Variants in MYO5B observed in about 807,000 individuals in gnomAD.
The protein encoded by MYO5B is myosin VB, also known as unconventional myosin-Vb.
In MYO5B, 143 loss-of-function variants were observed where a neutral mutation model predicts 229.3. That is an observed-to-expected ratio of 0.62 (90% confidence interval 0.54 to 0.72). MYO5B has a LOEUF of 0.72. Ranked by LOEUF, MYO5B falls within the 30% of genes least tolerant of loss-of-function variation. MYO5B has a pLI of 0.00. For missense variants in MYO5B, 2,321 were observed against 2,331.0 expected (o/e 1.00, Z 0.09); for synonymous variants, 918 against 885.2 (o/e 1.04, Z -0.66).
chr18:50,052,703 A>AATT (rs111903370), intron 2 of MYO5B, among the ~76,000 whole-genome samples: 3 of 12,962 alleles, frequency 2.3e-4, no homozygotes, highest in African/African-American at 3.2e-4. Flanking sequence ...CTTAAAGTAT[A>AATT]ATAAAAAAAA....
At chr18:50,005,368 C>T (rs1009493885) in intron 4 of MYO5B, among the ~76,000 whole-genome samples, 2 of 152,148 alleles carry the variant, frequency 1.3e-5, no homozygotes, top group Non-Finnish European at 2.9e-5. Flanking sequence ...TAGAGAATAC[C>T]TCCCCATCTT....
intron 17 of MYO5B, among the ~76,000 whole-genome samples, chr18:49,921,571 C>T (rs2025076130): frequency 6.6e-6 from 1 of 152,160 alleles, no homozygotes; most frequent in Non-Finnish European, 1.5e-5. Flanking sequence ...CACAGAGAGC[C>T]ATAATTCTCA....
At chr18:49,834,074 T>A (rs1261934033) in intron 39 of MYO5B, among the ~76,000 whole-genome samples, 1 of 152,202 alleles carries the variant, frequency 6.6e-6, no homozygotes, top group Non-Finnish European at 1.5e-5. Flanking sequence ...TTAGGCTTTT[T>A]TTTTGCCATG....
chr18:50,124,501 T>C (rs896414263), intron 1 of MYO5B, among the ~76,000 whole-genome samples: 1 of 148,418 alleles, frequency 6.7e-6, no homozygotes, highest in Non-Finnish European at 1.5e-5. Flanking sequence ...GATTGTCTAC[T>C]TCAAGTTGTT....
intron 30 of MYO5B, among the ~76,000 whole-genome samples, chr18:49,854,474 T>C (rs898852442): frequency 6.6e-6 from 1 of 152,230 alleles, no homozygotes; most frequent in Non-Finnish European, 1.5e-5. Flanking sequence ...TTCAGGAAGT[T>C]AGATGCTAAT....
In MYO5B at chr18:49,843,295, G is replaced by A. The variant is rs1444003268; in HGVS notation, c.4557C>T (p.Leu1519=). The change falls in exon 34 of 40, where the codon CTC becomes CTT. Residue 1519 remains leucine (L), a synonymous_variant. Transcript: ENST00000285039. The part of the protein sequence containing the change: ...IRHADYTNDD[L]KVHSLLTSTI... ...TGGAGGTCAGCAGGGAGTGCACCTTGAGATCGTCGTTGGTGTAGTCCGCGT... is the reference window on the plus strand; with the variant it reads ...TGGAGGTCAGCAGGGAGTGCACCTTAAGATCGTCGTTGGTGTAGTCCGCGT... 6.2e-7 allele frequency: 1 copy of A among 1,614,208 alleles called. No homozygotes were observed. Among genetic ancestry groups the A allele is most frequent in the Non-Finnish European group, 8.5e-7 (1 of 1,180,042 alleles).
At chr18:50,155,918 G>C (rs1475744685) in intron 1 of MYO5B, among the ~76,000 whole-genome samples, 1 of 152,138 alleles carries the variant, frequency 6.6e-6, no homozygotes, top group East Asian at 1.9e-4. Context: ...ACACTAATAG[G>C]TCAAGAAGAT....
chr18:49,950,791 T>C (rs1390595395), intron 14 of MYO5B, among the ~76,000 whole-genome samples: 1 of 152,192 alleles, frequency 6.6e-6, no homozygotes, highest in Non-Finnish European at 1.5e-5. Context: ...AAAAACCCAG[T>C]ACCTGCAATC....
In MYO5B at chr18:49,853,467, C is replaced by T; in HGVS notation, c.4203G>A (p.Arg1401=). Residue 1401 remains arginine (R), a synonymous_variant, in exon 31 of 40, where the codon CGG becomes CGA. Transcript: ENST00000285039. ...TACCCACCAGATTCTCGTTGGTCAG[C>T]CGGGATATTTCCTGCTGAACGCCGA... ...VEFGVQQEIS[R]LTNENLDLKE... is the part of the protein sequence containing the mutation. 2 of 1,614,086 alleles carry T rather than the reference C, an allele frequency of 1.2e-6. No individual in the cohort carries two copies. Among genetic ancestry groups the T allele is most frequent in the African/African-American group, 1.3e-5 (1 of 75,058 alleles).
chr18:50,076,579 C>T (rs992066236), intron 1 of MYO5B, among the ~76,000 whole-genome samples: 3 of 152,180 alleles, frequency 2.0e-5, no homozygotes, highest in African/African-American at 7.2e-5. Context: ...TAGCCTTGGG[C>T]TTGTCAAATT....
intron 27 of MYO5B, chr18:49,871,434 T>G (rs954507619): frequency 6.5e-6 from 1 of 154,274 alleles, no homozygotes; most frequent in African/African-American, 2.4e-5. Flanking sequence ...GATGGTAAAT[T>G]TTTTGTGTAT....
intron 1 of MYO5B, among the ~76,000 whole-genome samples, chr18:50,096,180 C>T (rs1409597895): frequency 2.0e-5 from 3 of 152,152 alleles, no homozygotes; most frequent in Non-Finnish European, 4.4e-5. Flanking sequence ...TAAATAGCCA[C>T]ATTTGGCCAT....
At chr18:50,036,414 C>T (rs1011267579) in intron 4 of MYO5B, among the ~76,000 whole-genome samples, 1 of 152,220 alleles carries the variant, frequency 6.6e-6, no homozygotes, top group Admixed American at 6.5e-5. Context: ...CCCTTACGTG[C>T]TTGGCATCCC....
intron 1 of MYO5B, among the ~76,000 whole-genome samples, chr18:50,086,133 A>G (rs1266916560): frequency 6.6e-6 from 1 of 152,192 alleles, no homozygotes; most frequent in Non-Finnish European, 1.5e-5. Flanking sequence ...ACAGAGTTAA[A>G]GCAGACATCC....
intron 7 of MYO5B, among the ~76,000 whole-genome samples, chr18:49,989,837 G>A (rs553386314): frequency 6.6e-6 from 1 of 152,304 alleles, no homozygotes; most frequent in South Asian, 2.1e-4. Context: ...AGTTTGGGTT[G>A]CTCCATCTCT....
intron 31 of MYO5B, among the ~76,000 whole-genome samples, chr18:49,851,848 G>A (rs1240968780): frequency 1.3e-5 from 2 of 152,176 alleles, no homozygotes; most frequent in East Asian, 1.9e-4. Flanking sequence ...AGGAATGCTT[G>A]CTAAGTAGGT....
intron 1 of MYO5B, among the ~76,000 whole-genome samples, chr18:50,077,204 A>T (rs1443144386): frequency 6.7e-6 from 1 of 148,910 alleles, no homozygotes; most frequent in African/African-American, 2.5e-5. Context: ...GACAACTTAC[A>T]TCAGTGACTT....
chr18:50,052,119 A>G (rs535107418), intron 2 of MYO5B, among the ~76,000 whole-genome samples: 1 of 152,328 alleles, frequency 6.6e-6, no homozygotes, highest in African/African-American at 2.4e-5. Flanking sequence ...ACTGTAAACT[A>G]GTTCGACCAT....
intron 12 of MYO5B, among the ~76,000 whole-genome samples, chr18:49,955,734 G>A (rs962204109): frequency 1.3e-5 from 2 of 152,172 alleles, no homozygotes; most frequent in Non-Finnish European, 2.9e-5. Context: ...TAATTGCACT[G>A]GGCAGACAAT....
Sources: allele counts gnomAD v4.1 joint callset (sites outside exome capture counted in the v4.1 genomes callset), GRCh38; gene constraint gnomAD v4.1.1; transcripts MANE v1.5; gene names NCBI Gene and HGNC (gene_info 2026-07-23, HGNC 2026-07-21).